The following RGS10 variants were observed in gnomAD, a reference collection of about 807,000 sequenced individuals.
RGS10 encodes the protein regulator of G protein signaling 10, also known as regulator of G-protein signalling 10.
A neutral mutation model predicts 23.5 loss-of-function variants in RGS10; 11 were observed. The ratio of observed to expected loss-of-function variants is 0.47; its 90% CI spans 0.29 to 0.77. The LOEUF (loss-of-function observed/expected upper bound fraction) is 0.77. RGS10 is among the 30% of genes least tolerant of loss of function. The pLI is 0.08. For missense variants in RGS10, 180 were observed against 226.3 expected (o/e 0.80, Z 1.31); for synonymous variants, 77 against 83.2 (o/e 0.92, Z 0.41).
chr10:119,534,088 C>G (rs1388930080), intron 1 of RGS10, among the ~76,000 whole-genome samples: 2 of 150,622 alleles, frequency 1.3e-5, no homozygotes, highest in African/African-American at 2.4e-5. Flanking sequence ...AACCACGTCT[C>G]TACAAAAAAT....
chr10:119,521,692 T>C (rs1274084966), intron 3 of RGS10, among the ~76,000 whole-genome samples: 1 of 124,050 alleles, frequency 8.1e-6, no homozygotes. Context: ...AGAAAATAGA[T>C]CCTATACTAT....
chr10:119,515,673 C>T (rs1363182105), intron 3 of RGS10, 21 bp from the exon 4 acceptor site: 1 of 1,613,412 alleles, frequency 6.2e-7, no homozygotes, highest in East Asian at 2.2e-5. Context: ...CAGATGGGGC[C>T]TTGTGCTATC....
At chr10:119,534,256 AAAATAAATAAATAAATAAATAAATAAAT>A (rs199735313) in intron 1 of RGS10, among the ~76,000 whole-genome samples, 2 of 122,978 alleles carry the variant, frequency 1.6e-5, no homozygotes, top group African/African-American at 3.0e-5. Context: ...AACCTGTCTT[AAAATAAATAAATAAATAAATAAATAAAT>A]AAATAAATAA....
At chr10:119,525,248 C>A (rs1294519137) in intron 3 of RGS10, among the ~76,000 whole-genome samples, 1 of 152,126 alleles carries the variant, frequency 6.6e-6, no homozygotes, top group African/African-American at 2.4e-5. Flanking sequence ...AGTAAGCTGG[C>A]GGAGACGGAA....
chr10:119,520,530 C>G (rs915192079), intron 3 of RGS10, among the ~76,000 whole-genome samples: 5 of 152,204 alleles, frequency 3.3e-5, no homozygotes, highest in African/African-American at 9.6e-5. Flanking sequence ...GTTTTCTTAT[C>G]TAAAGAAACA....
At chr10:119,501,290 C>A (rs556017825) in intron 4 of RGS10, among the ~76,000 whole-genome samples, 1 of 152,300 alleles carries the variant, frequency 6.6e-6, no homozygotes, top group East Asian at 1.9e-4. Flanking sequence ...CACCCTGGTA[C>A]ACGGAACAAC....
At chr10:119,510,529 T>C (rs1466871722) in intron 4 of RGS10, among the ~76,000 whole-genome samples, 1 of 152,178 alleles carries the variant, frequency 6.6e-6, no homozygotes, top group East Asian at 1.9e-4. Flanking sequence ...CTTCTTAGCA[T>C]TGATCTTTCT....
intron 3 of RGS10, among the ~76,000 whole-genome samples, chr10:119,521,627 A>AAAGGAAGGAAGGAAGGAAGG (rs3064538): frequency 2.9e-4 from 35 of 119,856 alleles, no homozygotes; most frequent in African/African-American, 8.5e-4. Context: ...GGAAGGAAAG[A>AAAGGAAGGAAGGAAGGAAGG]AAGGAAGGAA....
chr10:119,528,384 G>T lies in RGS10; in HGVS notation c.50-960C>A, dbSNP rs140618707. 2.1e-3 allele frequency among the ~76,000 whole-genome samples: 316 copies of T among 152,180 alleles called. 5 individuals are homozygous for T. In the East Asian group the frequency reaches 0.054, roughly 26 times the overall value. ...AAATTTATGCTAAAAAATCCATGAT[G>T]AACAAAATACCCAAATTTTAAATAA... On this transcript the variant is annotated intron_variant, in intron 1 of 4. Transcript: ENST00000369103.
At chr10:119,526,931 G>A (rs1442978171) in intron 2 of RGS10, among the ~76,000 whole-genome samples, 1 of 151,992 alleles carries the variant, frequency 6.6e-6, no homozygotes, top group Non-Finnish European at 1.5e-5. Context: ...CTCTTACTCT[G>A]TCAACAATGC....
intron 1 of RGS10, among the ~76,000 whole-genome samples, chr10:119,532,162 C>CGAA (rs1466351255): frequency 6.6e-6 from 1 of 152,186 alleles, no homozygotes; most frequent in African/African-American, 2.4e-5. Flanking sequence ...TCCTGACTGT[C>CGAA]TTTCAAGTTT....
intron 3 of RGS10, among the ~76,000 whole-genome samples, chr10:119,522,620 A>C (rs1271172790): frequency 6.6e-6 from 1 of 151,114 alleles, no homozygotes; most frequent in Non-Finnish European, 1.5e-5. Flanking sequence ...CAGTAGGCTG[A>C]GGCAGAAGAA....
chr10:119,511,409 A>G (rs1844074809), intron 4 of RGS10, among the ~76,000 whole-genome samples: 1 of 152,198 alleles, frequency 6.6e-6, no homozygotes, highest in Admixed American at 6.5e-5. Context: ...ACTTGAGGCC[A>G]GGAGTTTGAG....
In RGS10 at chr10:119,527,528, C is replaced by T. The variant is rs1844289676; in HGVS notation, c.50-104G>A. The T allele has an allele frequency of 4.8e-6, 4 of 838,152 alleles. No homozygotes were observed. Among genetic ancestry groups the T allele is most frequent in the Non-Finnish European group, 8.1e-6 (4 of 494,710 alleles). 51.9% of individuals were successfully genotyped at this position (838,152 alleles called of 1,614,324 possible). A position where few individuals can be genotyped will look rare whatever the true frequency, so the allele number is the denominator to read the frequency against. ...TGCCGTCACCATCACGGCTGACATACACCGACTTATGCGTCAGGCTCTGTT... is the reference window on the plus strand; with the variant it reads ...TGCCGTCACCATCACGGCTGACATATACCGACTTATGCGTCAGGCTCTGTT... On this transcript the variant is annotated intron_variant, in intron 1 of 4. Coordinates refer to ENST00000369103, the MANE Select transcript of RGS10 (RefSeq NM_001005339.2). This position sits in a 1 kb window ranked among gnomAD's most constrained non-coding sequence, Gnocchi z 4.2.
chr10:119,534,510 G>A (rs1478813220), intron 1 of RGS10, among the ~76,000 whole-genome samples: 18 of 145,350 alleles, frequency 1.2e-4, no homozygotes, highest in Admixed American at 1.2e-3. Context: ...AGAATTGCTT[G>A]AACCCAGGAG....
At chr10:119,504,367 G>C (rs1035515631) in intron 4 of RGS10, among the ~76,000 whole-genome samples, 6 of 152,074 alleles carry the variant, frequency 3.9e-5, no homozygotes, top group Admixed American at 6.6e-5. Context: ...GTAGAGACGG[G>C]GTTTCACCAC....
chr10:119,540,057 GCTT>G (rs1844422696), intron 1 of RGS10, among the ~76,000 whole-genome samples: 3 of 152,014 alleles, frequency 2.0e-5, no homozygotes, highest in African/African-American at 2.4e-5. Flanking sequence ...TTCTCACTAG[GCTT>G]CTTCTTTTCA....
In RGS10 at chr10:119,527,221, G is replaced by C; in HGVS notation, c.168+85C>G. 1.1e-6 allele frequency: 1 copy of C among 927,226 alleles called. No individual in the cohort carries two copies. Among genetic ancestry groups the C allele is most frequent in the South Asian group, 1.5e-5 (1 of 65,890 alleles). 57.4% of individuals were successfully genotyped at this position (927,226 alleles called of 1,614,324 possible). ...AGAGAGTGCTACGCTGACAGACAAT[G>C]TTGAACTGGCCTATTTCTCCCCTGT... On this transcript the variant is annotated intron_variant, in intron 2 of 4. Transcript: ENST00000369103. This position sits in a 1 kb window ranked among gnomAD's most constrained non-coding sequence, Gnocchi z 4.2.
At position 119,542,284 on chromosome 10, in the gene RGS10, T is replaced by G. The variant is rs976102730; in HGVS notation, c.49+306A>C. On this transcript the variant is annotated intron_variant, in intron 1 of 4. Coordinates refer to ENST00000369103, the MANE Select transcript of RGS10 (RefSeq NM_001005339.2). Reference sequence around the variant, plus strand: ...TCCGCTTTCGGAATCTGGAGCCCCATGTCACCTCCAAAGTTTGGAGATTTG... The same window carrying G: ...TCCGCTTTCGGAATCTGGAGCCCCAGGTCACCTCCAAAGTTTGGAGATTTG... 7.2e-5 allele frequency among the ~76,000 whole-genome samples: 11 copies of G among 152,160 alleles called. No individual in the cohort carries two copies. In the South Asian group the frequency reaches 1.0e-3, roughly 14 times the overall value.
Sources: allele counts gnomAD v4.1 joint callset (sites outside exome capture counted in the v4.1 genomes callset), GRCh38; gene constraint gnomAD v4.1.1; non-coding constraint Gnocchi (gnomAD v3.1); transcripts MANE v1.5; gene names NCBI Gene and HGNC (gene_info 2026-07-23, HGNC 2026-07-21).